MCM2: variants seen among roughly 807,000 people sequenced by gnomAD.
MCM2 encodes DNA replication licensing factor MCM2.
MCM2 carries 49 observed loss-of-function variants against 86.4 expected under a neutral mutation model. The ratio of observed to expected loss-of-function variants is 0.57; its 90% CI spans 0.45 to 0.72. The LOEUF is 0.72. MCM2 is among the 30% of genes least tolerant of loss of function. The pLI is 0.00. For missense variants in MCM2, 1,038 were observed against 1,259.9 expected, an observed-to-expected ratio of 0.82 and a Z score of 2.67; for synonymous variants, 475 against 484.6, an observed-to-expected ratio of 0.98 and a Z score of 0.26.
At position 127,608,398 on chromosome 3, in the gene MCM2, A is replaced by G; in HGVS notation, c.1118A>G (p.Tyr373Cys). 6.2e-7 allele frequency: 1 copy of G among 1,614,240 alleles called. No homozygotes were observed. Among genetic ancestry groups the G allele is most frequent in the Non-Finnish European group, 8.5e-7 (1 of 1,180,046 alleles). The change falls in exon 7 of 16, where the codon TAC becomes TGC. Residue 373 changes from tyrosine (Y) to cysteine (C), a missense_variant. By Grantham distance (194) the Tyr-to-Cys change is radical (BLOSUM62 -2). Coordinates refer to ENST00000265056, the MANE Select transcript of MCM2 (RefSeq NM_004526.4). ...CCCTCGCAGACCATCTATCAGAACTACCAGCGTATCCGAATCCAGGAGAGT... is the reference window on the plus strand; with the variant it reads ...CCCTCGCAGACCATCTATCAGAACTGCCAGCGTATCCGAATCCAGGAGAGT... ...VNMEETIYQNYQRIRIQESPG... is the reference protein window; with the variant it reads ...VNMEETIYQNCQRIRIQESPG...
In MCM2 at chr3:127,606,847, C is replaced by G. The variant is rs763227540; in HGVS notation, c.1101+30C>G. 3 of 1,609,910 alleles carry G rather than the reference C, an allele frequency of 1.9e-6. No individual in the cohort carries two copies. In the East Asian group the frequency reaches 6.7e-5, roughly 36 times the overall value. ...GAGAGGACACAAGGTCTGCTGCCAGCTGTCCTTAGGGGTGCCCAGTATGCA... is the reference window on the plus strand; with the variant it reads ...GAGAGGACACAAGGTCTGCTGCCAGGTGTCCTTAGGGGTGCCCAGTATGCA... On this transcript the variant is annotated intron_variant, in intron 6 of 15. Transcript: ENST00000265056. The surrounding 1 kb of genome is among the most constrained non-coding windows in gnomAD (Gnocchi z 4.2).
Position 127,617,323 on chromosome 3 carries a change from A to G in MCM2, c.1818A>G (p.Gln606=), listed in dbSNP as rs1300682627. ...CCAGCATCCATGAGGCCATGGAGCA[A>G]CAGAGCATCTCCATCTCGAAGGCTG... ...DRTSIHEAME[Q]QSISISKAGI... Residue 606 remains glutamine (Q), a synonymous_variant, in exon 11 of 16, where the codon CAA becomes CAG. Transcript: ENST00000265056. This position sits in a 1 kb window ranked among gnomAD's most constrained non-coding sequence, Gnocchi z 4.1. The G allele has an allele frequency of 1.2e-6, 2 of 1,614,124 alleles. No homozygotes were observed. The highest frequency in any genetic ancestry group is 8.5e-7 in the Non-Finnish European group (1 of 1,179,996).
chr3:127,612,511 G>A (rs2074406552), intron 8 of MCM2, among the ~76,000 whole-genome samples: 1 of 152,208 alleles, frequency 6.6e-6, no homozygotes, highest in South Asian at 2.1e-4. Context: ...GTATCTGGCT[G>A]TTACTGTACA....
intron 8 of MCM2, chr3:127,610,842 G>A (rs926369419): frequency 1.3e-5 from 6 of 456,588 alleles, no homozygotes; most frequent in South Asian, 9.3e-5. Flanking sequence ...CCAGCTCTTG[G>A]CCATCGAACC....
At chr3:127,600,144 G>T (rs2074296940) in intron 2 of MCM2, among the ~76,000 whole-genome samples, 1 of 152,210 alleles carries the variant, frequency 6.6e-6, no homozygotes, top group South Asian at 2.1e-4. Flanking sequence ...AGCTGTGCAT[G>T]GTGGTGCGTG....
chr3:127,611,478 C>G (rs764391545), intron 8 of MCM2, among the ~76,000 whole-genome samples: 4 of 152,152 alleles, frequency 2.6e-5, no homozygotes, highest in African/African-American at 4.8e-5. Context: ...AGGCATCTGC[C>G]CGGGCCATCC....
rs2074334190 is a variant in MCM2, at chr3:127,604,925, GC to G, written c.445del (p.Arg149AlafsTer19). On this transcript the variant is annotated frameshift_variant, in exon 4 of 16. Transcript: ENST00000265056. LOFTEE classifies it high-confidence loss of function. ...DSDEEDEERPARKRRQVERAT... is the reference protein window; with the variant it reads ...DSDEEDEERPXRKRRQVERAT... ...CGATGAGGAGGACGAGGAGCGCCCT[GC>G]CCGCAAGCGCCGCCAGGTGGAGCGG... 6.2e-7 allele frequency: 1 copy of G among 1,613,210 alleles called. No homozygotes were observed. The highest frequency in any genetic ancestry group is 1.1e-5 in the South Asian group (1 of 91,020).
chr3:127,618,525 C>A lies in MCM2; in HGVS notation c.2013+444C>A, dbSNP rs2074450508. On this transcript the variant is annotated intron_variant, in intron 12 of 15. Transcript: ENST00000265056. This position sits in a 1 kb window ranked among gnomAD's most constrained non-coding sequence, Gnocchi z 4.0. The stretch of plus-strand genomic sequence containing the variant: ...CCCCTCCGGCCCGCACCCGCCATCT[C>A]TGCAGCTACCTCCTCCTCGCTCCCT... Among the ~76,000 whole-genome samples, 1 of 152,206 alleles carries A rather than the reference C, an allele frequency of 6.6e-6. No homozygotes were observed. Among genetic ancestry groups the A allele is most frequent in the African/African-American group, 2.4e-5 (1 of 41,464 alleles).
chr3:127,617,346 C>T lies in MCM2; in HGVS notation c.1841C>T (p.Ala614Val). Residue 614 changes from alanine (A) to valine (V), a missense_variant, in exon 11 of 16, where the codon GCT (alanine) becomes GTT (valine). Ala to Val is a moderately conservative substitution (Grantham distance 64). This residue lies in a region of MCM2 where 336 missense variants were observed against 425.7 expected (regional missense o/e 0.79). Coordinates refer to ENST00000265056, the MANE Select transcript of MCM2 (RefSeq NM_004526.4). This position sits in a 1 kb window ranked among gnomAD's most constrained non-coding sequence, Gnocchi z 4.1. ...MEQQSISISK[A>V]GIVTSLQARC... Reference sequence around the variant, plus strand: ...CAACAGAGCATCTCCATCTCGAAGGCTGGCATCGTCACCTCCCTGCAGGCT... The same window carrying T: ...CAACAGAGCATCTCCATCTCGAAGGTTGGCATCGTCACCTCCCTGCAGGCT... 6.2e-7 allele frequency: 1 copy of T among 1,614,134 alleles called. No homozygotes were observed. Among genetic ancestry groups the T allele is most frequent in the Non-Finnish European group, 8.5e-7 (1 of 1,180,014 alleles).
chr3:127,605,285 A>C, intron 4 of MCM2, 129 bp downstream of exon 4: 1 of 1,274,106 alleles, frequency 7.8e-7, no homozygotes, highest in East Asian at 2.4e-5. Flanking sequence ...AGAGAAACCA[A>C]AAGTTTTGAG....
At chr3:127,598,511 A>T (rs1044958330) in intron 1 of MCM2, 39 bp downstream of exon 1, 1 of 1,608,708 alleles carries the variant, frequency 6.2e-7, no homozygotes, top group Non-Finnish European at 8.5e-7. Context: ...CGCCGGGGAC[A>T]TGGGTGCGGA....
chr3:127,610,580 A>C (rs574692184), intron 8 of MCM2, among the ~76,000 whole-genome samples: 3 of 151,860 alleles, frequency 2.0e-5, no homozygotes, highest in Non-Finnish European at 4.4e-5. Flanking sequence ...CTACACATGC[A>C]TGGTTTGTTC....
In MCM2 at chr3:127,604,714, C is replaced by T. The variant is rs201721106; in HGVS notation, c.343C>T (p.Arg115Trp). 15 of 1,611,896 alleles carry T rather than the reference C, an allele frequency of 9.3e-6. No individual in the cohort carries two copies. The highest frequency in any genetic ancestry group is 1.2e-5 in the Non-Finnish European group (14 of 1,179,722). Reference protein sequence around the residue: ...LTASQREAAERAMRQRDREAG... With the variant: ...LTASQREAAEWAMRQRDREAG... The stretch of plus-strand genomic sequence containing the variant: ...GGCCAGTCAGAGGGAGGCAGCAGAG[C>T]GGGCCATGCGGCAGCGTGACCGGGA... Residue 115 changes from arginine (R) to tryptophan (W), a missense_variant, in exon 3 of 16, where the codon CGG becomes TGG. Physicochemically the swap from Arg to Trp is moderately radical, Grantham distance 101. Transcript: ENST00000265056.
At position 127,616,900 on chromosome 3, in the gene MCM2, G is replaced by C; in HGVS notation, c.1555G>C (p.Val519Leu). The C allele has an allele frequency of 1.2e-6, 2 of 1,614,112 alleles. No individual in the cohort carries two copies. Among genetic ancestry groups the C allele is most frequent in the Non-Finnish European group, 1.7e-6 (2 of 1,180,026 alleles). Residue 519 changes from valine (V) to leucine (L), a missense_variant, in exon 10 of 16, where the codon GTG (valine) becomes CTG (leucine). This residue lies in a region of MCM2 where 399 missense variants were observed against 507.2 expected (regional missense o/e 0.79). Transcript: ENST00000265056. ...GCACAAGGTACGTGGTGATATCAAC[G>C]TGCTCTTGTGCGGAGACCCTGGCAC... is the stretch of plus-strand genomic sequence containing the variant. ...GKHKVRGDINVLLCGDPGTAK... is the reference protein window; with the variant it reads ...GKHKVRGDINLLLCGDPGTAK...
intron 8 of MCM2, 29 bp downstream of exon 8, chr3:127,609,052 CAGGATGCTGTG>C: frequency 1.2e-6 from 2 of 1,608,364 alleles, no homozygotes; most frequent in South Asian, 1.1e-5. Flanking sequence ...CAGGGGCTGT[CAGGATGCTGTG>C]AGAGGATATG....
intron 8 of MCM2, 87 bp downstream of exon 8, chr3:127,609,110 A>G: frequency 7.2e-7 from 1 of 1,397,890 alleles, no homozygotes; most frequent in Non-Finnish European, 9.9e-7. Context: ...CCTAGGGCTC[A>G]CTGCTCAAAC....
chr3:127,603,669 G>GT (rs1423353375), intron 2 of MCM2, among the ~76,000 whole-genome samples: 13 of 147,016 alleles, frequency 8.8e-5, no homozygotes, highest in Admixed American at 3.4e-4. Flanking sequence ...TTTTCTTTTT[G>GT]TTTTTTTTGA....
chr3:127,604,496 A>T, intron 2 of MCM2, 112 bp from the exon 3 acceptor site: 1 of 1,086,216 alleles, frequency 9.2e-7, no homozygotes, highest in Non-Finnish European at 1.3e-6. Context: ...CGCTGAGCCT[A>T]CCCACAATGG....
chr3:127,608,619 C>T (rs2074368489), intron 7 of MCM2, 103 bp downstream of exon 7: 4 of 1,469,866 alleles, frequency 2.7e-6, no homozygotes, highest in South Asian at 2.5e-5. Flanking sequence ...CAGGGGCACT[C>T]GGGCTAGGAT....
Sources: allele counts gnomAD v4.1 joint callset (sites outside exome capture counted in the v4.1 genomes callset), GRCh38; gene constraint gnomAD v4.1.1; regional missense constraint gnomAD v4.1.1; non-coding constraint Gnocchi (gnomAD v3.1); transcripts MANE v1.5; gene names NCBI Gene and HGNC (gene_info 2026-07-23, HGNC 2026-07-21).